DOCK3: variants seen among roughly 807,000 people sequenced by gnomAD.
The protein encoded by DOCK3 is dedicator of cytokinesis protein 3.
Under a neutral mutation model 265.6 loss-of-function variants are expected in DOCK3, and 60 were observed. The observed-to-expected ratio is 0.23, with a 90% CI of 0.18 to 0.28. The LOEUF is 0.28. Ranked by LOEUF, DOCK3 falls within the 10% of genes least tolerant of loss-of-function variation. DOCK3 has a pLI of 1.00. For synonymous variants in DOCK3, 881 were observed against 938.0 expected, an observed-to-expected ratio of 0.94 and a Z score of 1.11; for missense variants, 1,981 against 2,594.3, an observed-to-expected ratio of 0.76 and a Z score of 5.14.
rs1426100121 is a variant in DOCK3 at position 51,374,374 on chromosome 3, A to G, written c.5294-95A>G. 1 of 1,146,496 alleles carries G rather than the reference A, an allele frequency of 8.7e-7. No individual in the cohort carries two copies. Among genetic ancestry groups the G allele is most frequent in the Non-Finnish European group, 1.3e-6 (1 of 782,340 alleles). 71.0% of individuals were successfully genotyped at this position (1,146,496 alleles called of 1,614,324 possible). ...CATCCTCACCCTAACTGTAAGGGAC[A>G]CCTACCCTGGTTCCCTAGTCCTGAG... On this transcript the variant is annotated intron_variant, in intron 49 of 52. Coordinates refer to ENST00000266037, the MANE Select transcript of DOCK3 (RefSeq NM_004947.5). This position sits in a 1 kb window ranked among gnomAD's most constrained non-coding sequence, Gnocchi z 4.8.
chr3:50,804,622 C>G (rs1455517838), intron 2 of DOCK3, among the ~76,000 whole-genome samples: 2 of 152,138 alleles, frequency 1.3e-5, no homozygotes, highest in Admixed American at 6.5e-5. Context: ...GCCTGCAATC[C>G]CAGGCACTCG....
At chr3:51,237,353 A>G in intron 20 of DOCK3, 137 bp from the exon 21 acceptor site, 3 of 712,252 alleles carry the variant, frequency 4.2e-6, no homozygotes, top group Non-Finnish European at 7.2e-6. Context: ...GAAATCTTAC[A>G]TTCACTACCC....
chr3:51,183,055 G>T (rs1464567395), intron 12 of DOCK3, among the ~76,000 whole-genome samples: 1 of 152,124 alleles, frequency 6.6e-6, no homozygotes. Flanking sequence ...GGTTCATAAG[G>T]CATGAACCCT....
chr3:51,101,593 C>G (rs1422284607), intron 9 of DOCK3, among the ~76,000 whole-genome samples: 2 of 152,210 alleles, frequency 1.3e-5, no homozygotes, highest in Non-Finnish European at 2.9e-5. Context: ...AATATGTACA[C>G]ACTAATTCCT....
intron 1 of DOCK3, among the ~76,000 whole-genome samples, chr3:50,744,964 AT>A (rs1222494562): frequency 3.3e-5 from 5 of 152,128 alleles, no homozygotes; most frequent in African/African-American, 1.2e-4. Context: ...GATGACTACA[AT>A]TTTGTAGTAA....
At chr3:51,296,479 G>GTTT (rs758797081) in intron 27 of DOCK3, among the ~76,000 whole-genome samples, 7 of 140,716 alleles carry the variant, frequency 5.0e-5, no homozygotes, top group African/African-American at 1.6e-4. Flanking sequence ...ACTTAAATTG[G>GTTT]TTTTTTTTTT....
At chr3:51,354,083 T>C (rs1576911384) in intron 40 of DOCK3, among the ~76,000 whole-genome samples, 1 of 152,226 alleles carries the variant, frequency 6.6e-6, no homozygotes, top group Non-Finnish European at 1.5e-5. Context: ...TCTGCTGACA[T>C]GTTTGCAAAG....
intron 46 of DOCK3, among the ~76,000 whole-genome samples, chr3:51,360,303 CT>C (rs567136393): frequency 6.3e-4 from 96 of 152,356 alleles, no homozygotes; most frequent in Non-Finnish European, 1.2e-3. Flanking sequence ...CGCACACGGC[CT>C]TTGGTCTAGG....
intron 12 of DOCK3, among the ~76,000 whole-genome samples, chr3:51,189,588 TATTTC>T (rs964127113): frequency 1.3e-5 from 2 of 152,208 alleles, no homozygotes; most frequent in African/African-American, 4.8e-5. Flanking sequence ...CAAAAGACAT[TATTTC>T]ATTTCTTTTT....
At chr3:50,954,018 C>T (rs2108334003) in intron 5 of DOCK3, among the ~76,000 whole-genome samples, 1 of 152,146 alleles carries the variant, frequency 6.6e-6, no homozygotes, top group African/African-American at 2.4e-5. Flanking sequence ...GCAATCCCCA[C>T]CATTGTTATG....
At chr3:50,961,163 C>T (rs1388016857) in intron 5 of DOCK3, among the ~76,000 whole-genome samples, 1 of 152,124 alleles carries the variant, frequency 6.6e-6, no homozygotes, top group Non-Finnish European at 1.5e-5. Context: ...CTTTGTTCTT[C>T]TTTTTCCATA....
Position 50,819,371 on chromosome 3 carries a change from A to G in DOCK3, c.122-22304A>G, listed in dbSNP as rs527904696. ...CATTTCTACCATCAAGCTGGAGAGT[A>G]TAAATCTGATTTTTTTCTGAATCAT... On this transcript the variant is annotated intron_variant, in intron 2 of 52. Coordinates refer to ENST00000266037, the MANE Select transcript of DOCK3 (RefSeq NM_004947.5). Among the ~76,000 whole-genome samples the G allele has an allele frequency of 8.7e-4, 132 of 152,358 alleles. 3 individuals carry two copies. The South Asian group carries it at 0.027, about 31-fold the overall frequency.
intron 5 of DOCK3, among the ~76,000 whole-genome samples, chr3:50,969,937 T>C (rs113890936): frequency 4.6e-5 from 7 of 152,080 alleles, no homozygotes; most frequent in African/African-American, 1.7e-4. Flanking sequence ...CTGGGCATGG[T>C]GGCGGGCGCC....
At chr3:50,837,053 T>C (rs2045551970) in intron 2 of DOCK3, among the ~76,000 whole-genome samples, 1 of 152,196 alleles carries the variant, frequency 6.6e-6, no homozygotes, top group African/African-American at 2.4e-5. Flanking sequence ...CAAAATCATT[T>C]AACAAGTCTC....
intron 3 of DOCK3, among the ~76,000 whole-genome samples, chr3:50,878,922 C>G (rs2047868922): frequency 6.6e-6 from 1 of 152,128 alleles, no homozygotes; most frequent in Non-Finnish European, 1.5e-5. Context: ...AGACTAACAG[C>G]AGATCTCTCG....
intron 1 of DOCK3, among the ~76,000 whole-genome samples, chr3:50,764,269 A>C (rs975462635): frequency 6.6e-6 from 1 of 152,196 alleles, no homozygotes; most frequent in African/African-American, 2.4e-5. Context: ...AGCTGTATAC[A>C]ATTGGCCCTT....
At chr3:50,687,859 G>A (rs1481864803) in intron 1 of DOCK3, among the ~76,000 whole-genome samples, 1 of 152,124 alleles carries the variant, frequency 6.6e-6, no homozygotes, top group African/African-American at 2.4e-5. Flanking sequence ...GGTGCTAGTT[G>A]GCAACAAAGG....
intron 4 of DOCK3, among the ~76,000 whole-genome samples, chr3:50,902,731 A>T (rs1002035540): frequency 6.6e-6 from 1 of 152,208 alleles, no homozygotes; most frequent in African/African-American, 2.4e-5. Flanking sequence ...TGATAGGTTT[A>T]TGGGAATAGA....
chr3:51,372,587 G>A (rs2087771984), intron 49 of DOCK3, among the ~76,000 whole-genome samples: 1 of 152,218 alleles, frequency 6.6e-6, no homozygotes, highest in African/African-American at 2.4e-5. Context: ...CAGGCTGTGA[G>A]CTCCACGAGG....
Sources: allele counts gnomAD v4.1 joint callset (sites outside exome capture counted in the v4.1 genomes callset), GRCh38; gene constraint gnomAD v4.1.1; non-coding constraint Gnocchi (gnomAD v3.1); transcripts MANE v1.5; gene names NCBI Gene and HGNC (gene_info 2026-07-23, HGNC 2026-07-21).